The following MICAL3 variants were observed in gnomAD, a reference collection of about 807,000 sequenced individuals.
MICAL3 encodes [F-actin]-monooxygenase MICAL3.
Under a neutral mutation model 207.4 loss-of-function variants are expected in MICAL3, and 62 were observed. The observed-to-expected ratio is 0.30, with a 90% CI of 0.24 to 0.37. The LOEUF is 0.37. Ranked by LOEUF, MICAL3 falls within the 10% of genes least tolerant of loss-of-function variation. The probability of loss-of-function intolerance (pLI) is 1.00; values close to 1 mark genes in which losing one functional copy is unlikely to be tolerated. For missense variants in MICAL3, 2,368 were observed against 2,635.6 expected, an observed-to-expected ratio of 0.90 and a Z score of 2.22; for synonymous variants, 1,077 against 1,069.3, an observed-to-expected ratio of 1.01 and a Z score of -0.14.
chr22:17,826,780 C>T (rs5992120), intron 22 of MICAL3, among the ~76,000 whole-genome samples: 40,527 of 152,192 alleles, frequency 0.27, 5,918 homozygotes, highest in Non-Finnish European at 0.33. Flanking sequence ...CACAGGCCAG[C>T]CCAGTGATGC....
intron 2 of MICAL3, among the ~76,000 whole-genome samples, chr22:17,906,194 A>C (rs1459635686): frequency 1.3e-5 from 2 of 152,230 alleles, no homozygotes; most frequent in Admixed American, 6.5e-5. Context: ...TAAATACTTG[A>C]AACTTTGAAC....
rs1931758358 is a variant in MICAL3, at chr22:17,906,881, G to A, written c.-69C>T. 2.8e-6 allele frequency: 4 copies of A among 1,427,682 alleles called. No homozygotes were observed. The highest frequency in any genetic ancestry group is 4.4e-4 in the Middle Eastern group (2 of 4,502). The allele number at this position is 1,427,682 out of a possible 1,614,324, so 88.4% of individuals were successfully genotyped here. A position where few individuals can be genotyped will look rare whatever the true frequency, so the allele number is the denominator to read the frequency against. Reference sequence around the variant, plus strand: ...CTGTGGGTCCACCTGACACTGTCACGTTAATCTGACAAAAAGAAAGAAAAA... The same window carrying A: ...CTGTGGGTCCACCTGACACTGTCACATTAATCTGACAAAAAGAAAGAAAAA... On this transcript the variant is annotated 5_prime_UTR_variant, in exon 2 of 32. The change creates a new upstream start codon in the 5' untranslated region. Coordinates refer to ENST00000441493, the MANE Select transcript of MICAL3 (RefSeq NM_015241.3).
At chr22:17,825,156 G>A (rs1425603519) in intron 22 of MICAL3, among the ~76,000 whole-genome samples, 1 of 152,182 alleles carries the variant, frequency 6.6e-6, no homozygotes, top group Non-Finnish European at 1.5e-5. Context: ...TCCTTCACGC[G>A]GCTCTCCTGT....
chr22:17,873,026 G>T (rs1185553901), intron 16 of MICAL3, among the ~76,000 whole-genome samples: 1 of 152,242 alleles, frequency 6.6e-6, no homozygotes, highest in Non-Finnish European at 1.5e-5. Flanking sequence ...AAACCGGGTG[G>T]AAGAAAAACA....
chr22:17,811,748 T>C (rs2062050406), intron 27 of MICAL3, among the ~76,000 whole-genome samples: 1 of 152,184 alleles, frequency 6.6e-6, no homozygotes, highest in South Asian at 2.1e-4. Context: ...AAGGAGACTA[T>C]ATAAAAGTTC....
chr22:17,810,538 C>T (rs936157194), intron 28 of MICAL3, among the ~76,000 whole-genome samples, 165 bp downstream of exon 28: 1 of 152,182 alleles, frequency 6.6e-6, no homozygotes, highest in South Asian at 2.1e-4. Flanking sequence ...CAAGGCAGGG[C>T]CTCTGTGGCT....
chr22:18,008,622 GA>G (rs1337737042), intron 1 of MICAL3, among the ~76,000 whole-genome samples: 22 of 152,240 alleles, frequency 1.4e-4, no homozygotes, highest in African/African-American at 5.3e-4. Context: ...AAGCTAAGAA[GA>G]TCCATGGATT....
chr22:17,810,748 C>T lies in MICAL3; in HGVS notation c.5511G>A (p.Arg1837=). The change falls in exon 28 of 32, where the codon CGG becomes CGA. Residue 1837 remains arginine (R), a synonymous_variant. Coordinates refer to ENST00000441493, the MANE Select transcript of MICAL3 (RefSeq NM_015241.3). ...KLTRRVQKAA[R]RQAKQEELKR... ...TAAGCTCCTCCTGCTTGGCCTGTCT[C>T]CGAGCTGCCTTTTGCACACGCCGGG... The T allele has an allele frequency of 6.2e-7, 1 of 1,613,998 alleles. No individual in the cohort carries two copies. Among genetic ancestry groups the T allele is most frequent in the Non-Finnish European group, 8.5e-7 (1 of 1,179,884 alleles).
At chr22:18,005,849 T>G (rs1923354781) in intron 1 of MICAL3, 1 of 152,222 alleles carries the variant, frequency 6.6e-6, no homozygotes, top group African/African-American at 2.4e-5. Flanking sequence ...CACCGGCAGT[T>G]TTAACACTCC....
In MICAL3 at chr22:17,893,831, G is replaced by C. The variant is rs995567850; in HGVS notation, c.1523C>G (p.Thr508Ser). ...ACCATTGCGAGTCAATTTGGGGGTGGTTCGGGAATTCACCAGGCTCTCCAT... is the reference window on the plus strand; with the variant it reads ...ACCATTGCGAGTCAATTTGGGGGTGCTTCGGGAATTCACCAGGCTCTCCAT... ...LEMESLVNSR[T>S]TPKLTRNESV... The change falls in exon 11 of 32, where the codon ACC becomes AGC. Residue 508 changes from threonine to serine, a missense_variant. Physicochemically the swap from Thr to Ser is moderately conservative, Grantham distance 58 (BLOSUM62 1). Transcript: ENST00000441493. The C allele has an allele frequency of 2.5e-6, 4 of 1,576,866 alleles. No individual in the cohort carries two copies. Among genetic ancestry groups the C allele is most frequent in the Non-Finnish European group, 3.4e-6 (4 of 1,159,988 alleles).
rs1477452941 is a variant in MICAL3 at position 17,796,465 on chromosome 22, T to C, written c.5651-5164A>G. Among the ~76,000 whole-genome samples the C allele has an allele frequency of 6.6e-6, 1 of 152,244 alleles. No homozygotes were observed. Among genetic ancestry groups the C allele is most frequent in the Non-Finnish European group, 1.5e-5 (1 of 68,034 alleles). On this transcript the variant is annotated intron_variant, in intron 29 of 31. Transcript: ENST00000441493. This position sits in a 1 kb window ranked among gnomAD's most constrained non-coding sequence, Gnocchi z 4.4. ...GATCCTCACACCGGCCAGGTGTGGCTGCCAGGATGGGCAAATTCAAATGAG... is the reference window on the plus strand; with the variant it reads ...GATCCTCACACCGGCCAGGTGTGGCCGCCAGGATGGGCAAATTCAAATGAG...
intron 1 of MICAL3, among the ~76,000 whole-genome samples, chr22:18,006,824 ACT>A (rs1200228673): frequency 2.0e-5 from 3 of 152,014 alleles, no homozygotes; most frequent in Non-Finnish European, 4.4e-5. Context: ...CAAGAGCGAA[ACT>A]CTGTCACACA....
chr22:17,852,268 C>T (rs769442094), intron 19 of MICAL3, among the ~76,000 whole-genome samples: 2 of 152,216 alleles, frequency 1.3e-5, no homozygotes, highest in South Asian at 4.1e-4. Flanking sequence ...ACTAAAGTTG[C>T]CTGCCGCAGT....
At chr22:17,976,284 T>C (rs1201405736) in intron 1 of MICAL3, among the ~76,000 whole-genome samples, 1 of 152,122 alleles carries the variant, frequency 6.6e-6, no homozygotes, top group Non-Finnish European at 1.5e-5. Flanking sequence ...CCGTGTCTTA[T>C]ACTAGAGTAA....
In MICAL3 at chr22:17,882,398, A is replaced by C. The variant is rs574901023; in HGVS notation, c.2241+3480T>G. Among the ~76,000 whole-genome samples, 334 of 152,248 alleles carry C rather than the reference A, an allele frequency of 2.2e-3. 4 individuals are homozygous for C. The Middle Eastern group carries it at 0.034, about 16-fold the overall frequency. On this transcript the variant is annotated intron_variant, in intron 16 of 31. Transcript: ENST00000441493. ...CTCCAGAGAAGCACCATGAGTCACA[A>C]TGGGATGCTGCCAGTCAGCCCTGCT...
intron 16 of MICAL3, chr22:17,881,322 C>G: frequency 6.3e-7 from 1 of 1,581,462 alleles, no homozygotes; most frequent in Non-Finnish European, 8.6e-7. Context: ...CCAACAGACA[C>G]AAACAGAGAG....
chr22:17,800,591 G>A (rs2056209611), intron 29 of MICAL3, among the ~76,000 whole-genome samples: 3 of 152,208 alleles, frequency 2.0e-5, no homozygotes, highest in Admixed American at 1.3e-4. Context: ...AGAGCCTGGA[G>A]CGTGACACAC....
intron 1 of MICAL3, among the ~76,000 whole-genome samples, chr22:17,932,173 T>C (rs1316554467): frequency 1.3e-5 from 2 of 152,000 alleles, no homozygotes; most frequent in Non-Finnish European, 2.9e-5. Context: ...AGACACATAA[T>C]TGGCAGATTC....
At position 17,815,858 on chromosome 22, in the gene MICAL3, C is replaced by T. The variant is rs139662357; in HGVS notation, c.5445+832G>A. Among the ~76,000 whole-genome samples, 1,240 of 152,376 alleles carry T rather than the reference C, an allele frequency of 8.1e-3. 19 individuals carry two copies. Among genetic ancestry groups the T allele is most frequent in the African/African-American group, 0.027 (1,106 of 41,592 alleles). On this transcript the variant is annotated intron_variant, in intron 27 of 31. Coordinates refer to ENST00000441493, the MANE Select transcript of MICAL3 (RefSeq NM_015241.3). Reference sequence around the variant, plus strand: ...GTGACGGGCTCAGGCGCACCAAGGCCCGCCCTGACTGGGCTATTGGACGGC... The same window carrying T: ...GTGACGGGCTCAGGCGCACCAAGGCTCGCCCTGACTGGGCTATTGGACGGC...
Sources: gnomAD v4.1 joint callset for allele counts (sites outside exome capture counted in the v4.1 genomes callset) on GRCh38, gnomAD v4.1.1 for gene constraint, Gnocchi (gnomAD v3.1) non-coding constraint, MANE v1.5 for transcripts, NCBI Gene and HGNC (gene_info 2026-07-23, HGNC 2026-07-21) for gene names.